SPIN1: variants seen among roughly 807,000 people sequenced by gnomAD.
SPIN1 encodes the protein spindlin 1.
In SPIN1, 3 loss-of-function variants were observed where a neutral mutation model predicts 26.0. That is an observed-to-expected ratio of 0.12 (90% CI 0.05 to 0.30). SPIN1 has a LOEUF of 0.30. Among genes scored for constraint, SPIN1 ranks in the 10% least tolerant of loss-of-function variants. The pLI is 1.00. For synonymous variants in SPIN1, 101 were observed against 116.5 expected (o/e 0.87, Z 0.86); for missense variants, 126 against 333.4 (o/e 0.38, Z 4.84).
chr9:88,434,607 G>GCTTAA (rs1827962418), intron 2 of SPIN1, among the ~76,000 whole-genome samples: 1 of 152,010 alleles, frequency 6.6e-6, no homozygotes, highest in African/African-American at 2.4e-5. Context: ...AACAATGTGG[G>GCTTAA]TTAAGCAGTA....
chr9:88,435,093 G>C (rs1257333313), intron 2 of SPIN1, among the ~76,000 whole-genome samples: 1 of 151,414 alleles, frequency 6.6e-6, no homozygotes, highest in African/African-American at 2.4e-5. Flanking sequence ...ATGTCTTGCT[G>C]TTGTGTCATT....
chr9:88,466,991 A>T (rs1382193782), intron 4 of SPIN1, among the ~76,000 whole-genome samples: 1 of 151,716 alleles, frequency 6.6e-6, no homozygotes. Context: ...CCCGCCTTGG[A>T]CTCCCAAAGT....
chr9:88,393,507 T>C, intron 1 of SPIN1, among the ~76,000 whole-genome samples: 1 of 132,346 alleles, frequency 7.6e-6, no homozygotes, highest in South Asian at 2.6e-4. Context: ...CAGGCTGGAG[T>C]GCAGTGGCGC....
intron 1 of SPIN1, among the ~76,000 whole-genome samples, chr9:88,407,759 C>T: frequency 6.8e-6 from 1 of 145,988 alleles, no homozygotes. Context: ...ACTGGAATCT[C>T]TCTCTCTTTT....
intron 1 of SPIN1, among the ~76,000 whole-genome samples, chr9:88,393,206 G>A (rs1472470554): frequency 2.0e-5 from 3 of 150,138 alleles, no homozygotes; most frequent in Admixed American, 6.7e-5. Context: ...TTATCCAAAT[G>A]GTGAGAGAAT....
intron 3 of SPIN1, chr9:88,458,043 A>G (rs1429434075): frequency 3.3e-6 from 3 of 905,276 alleles, no homozygotes; most frequent in Non-Finnish European, 2.6e-6. Flanking sequence ...GATGAAAAGT[A>G]TAGGTTTTGA....
chr9:88,418,780 A>C (rs1827617259), intron 1 of SPIN1: 1 of 152,158 alleles, frequency 6.6e-6, no homozygotes, highest in African/African-American at 2.4e-5. Flanking sequence ...TTAAATAGGA[A>C]GTTTATCTCG....
chr9:88,402,615 T>A (rs1827215482), intron 1 of SPIN1, among the ~76,000 whole-genome samples: 1 of 152,110 alleles, frequency 6.6e-6, no homozygotes, highest in African/African-American at 2.4e-5. Flanking sequence ...GACCTCCAGC[T>A]TCACCCATGT....
At chr9:88,412,151 C>G (rs889399271) in intron 1 of SPIN1, among the ~76,000 whole-genome samples, 1 of 152,092 alleles carries the variant, frequency 6.6e-6, no homozygotes, top group African/African-American at 2.4e-5. Flanking sequence ...TGCACTCCAG[C>G]CTGGGTGACT....
At chr9:88,412,165 C>T (rs1190297892) in intron 1 of SPIN1, among the ~76,000 whole-genome samples, 1 of 151,824 alleles carries the variant, frequency 6.6e-6, no homozygotes, top group Non-Finnish European at 1.5e-5. Context: ...GGTGACTGAG[C>T]GAGACTGCAT....
chr9:88,394,903 G>A (rs920118946), intron 1 of SPIN1, among the ~76,000 whole-genome samples: 2 of 147,996 alleles, frequency 1.4e-5, no homozygotes, highest in Non-Finnish European at 3.0e-5. Flanking sequence ...TCCGCCTCCC[G>A]GGTTCACGCC....
intron 4 of SPIN1, among the ~76,000 whole-genome samples, chr9:88,467,665 T>G (rs1024792371): frequency 3.3e-5 from 5 of 152,120 alleles, no homozygotes; most frequent in Non-Finnish European, 5.9e-5. Flanking sequence ...GCAGTTTGGT[T>G]GTTTTTCAAA....
intron 1 of SPIN1, among the ~76,000 whole-genome samples, chr9:88,409,144 C>T (rs560297062): frequency 2.7e-5 from 4 of 150,018 alleles, no homozygotes; most frequent in South Asian, 2.1e-4. Flanking sequence ...TACAGGCATG[C>T]GCCACCATGC....
intron 1 of SPIN1, among the ~76,000 whole-genome samples, chr9:88,389,770 A>G (rs1204192145): frequency 6.6e-6 from 1 of 152,188 alleles, no homozygotes; most frequent in Admixed American, 6.5e-5. Flanking sequence ...GGATTAATGG[A>G]GGGTACAGTA....
intron 1 of SPIN1, among the ~76,000 whole-genome samples, chr9:88,403,777 A>G (rs1179019544): frequency 6.6e-6 from 1 of 152,204 alleles, no homozygotes; most frequent in Non-Finnish European, 1.5e-5. Flanking sequence ...GTATTATTAG[A>G]GGTAAAGTTT....
intron 2 of SPIN1, among the ~76,000 whole-genome samples, chr9:88,445,891 A>T (rs561450749): frequency 6.6e-6 from 1 of 152,228 alleles, no homozygotes; most frequent in East Asian, 1.9e-4. Context: ...TTTCCATGTG[A>T]ACTTGGAAAA....
At chr9:88,463,460 A>G (rs1828609203) in intron 4 of SPIN1, among the ~76,000 whole-genome samples, 1 of 152,182 alleles carries the variant, frequency 6.6e-6, no homozygotes, top group Non-Finnish European at 1.5e-5. Context: ...TACTTTTAGA[A>G]TTGTCTTTAT....
At chr9:88,433,025 T>A (rs1827914152) in intron 2 of SPIN1, among the ~76,000 whole-genome samples, 1 of 151,572 alleles carries the variant, frequency 6.6e-6, no homozygotes, top group Admixed American at 6.6e-5. Flanking sequence ...GCTTTTTTAT[T>A]CTCATACTTG....
chr9:88,400,982 C>T (rs1355236775), intron 1 of SPIN1, among the ~76,000 whole-genome samples: 1 of 152,176 alleles, frequency 6.6e-6, no homozygotes, highest in Non-Finnish European at 1.5e-5. Flanking sequence ...AACTGCGCTC[C>T]AGCCTGGGCA....
Sources: gnomAD v4.1 joint callset for allele counts (sites outside exome capture counted in the v4.1 genomes callset) on GRCh38, gnomAD v4.1.1 for gene constraint, MANE v1.5 for transcripts, NCBI Gene and HGNC (gene_info 2026-07-23, HGNC 2026-07-21) for gene names.